Variants in NOS1AP observed in about 807,000 individuals in gnomAD.
The protein encoded by NOS1AP is carboxyl-terminal PDZ ligand of neuronal nitric oxide synthase protein.
Under a neutral mutation model 56.2 loss-of-function variants are expected in NOS1AP, and 21 were observed. The ratio of observed to expected loss-of-function variants is 0.37; its 90% CI spans 0.26 to 0.54. The LOEUF (loss-of-function observed/expected upper bound fraction) is 0.54. Among genes scored for constraint, NOS1AP ranks in the 20% least tolerant of loss-of-function variants. The pLI, the probability that NOS1AP is intolerant of heterozygous loss-of-function variation, is 0.84. For missense variants in NOS1AP, 522 were observed against 657.8 expected (o/e 0.79, Z 2.26); for synonymous variants, 270 against 274.6 (o/e 0.98, Z 0.17).
intron 1 of NOS1AP, among the ~76,000 whole-genome samples, chr1:162,088,718 A>G (rs1052578552): frequency 6.6e-6 from 1 of 152,132 alleles, no homozygotes; most frequent in East Asian, 1.9e-4. Flanking sequence ...CCCCCAAACA[A>G]TGGTGATGAT....
At chr1:162,299,217 A>C (rs181122301) in intron 3 of NOS1AP, among the ~76,000 whole-genome samples, 1 of 152,310 alleles carries the variant, frequency 6.6e-6, no homozygotes, top group Non-Finnish European at 1.5e-5. Context: ...AAACTGCTAT[A>C]AACCAATCTG....
At chr1:162,237,446 G>C (rs1653335510) in intron 2 of NOS1AP, among the ~76,000 whole-genome samples, 1 of 152,140 alleles carries the variant, frequency 6.6e-6, no homozygotes, top group African/African-American at 2.4e-5. Flanking sequence ...GTCACTTTCT[G>C]TCTGTTTCTC....
intron 1 of NOS1AP, among the ~76,000 whole-genome samples, chr1:162,095,125 G>T (rs1692210825): frequency 6.6e-6 from 1 of 152,166 alleles, no homozygotes; most frequent in African/African-American, 2.4e-5. Context: ...TCTTAGTGAG[G>T]ATTGATCAGT....
At chr1:162,274,239 C>G (rs771944449) in intron 2 of NOS1AP, among the ~76,000 whole-genome samples, 39 of 152,140 alleles carry the variant, frequency 2.6e-4, no homozygotes, top group Non-Finnish European at 5.3e-4. Context: ...TGTGCTGGAC[C>G]CTGTTGACTT....
rs1374539725 is a variant in NOS1AP at position 162,365,437 on chromosome 1, G to A, written c.973G>A (p.Ala325Thr). Reference protein sequence around the residue: ...HLLKDQLAAEAAARLEAQARV... With the variant: ...HLLKDQLAAETAARLEAQARV... ...GCTGAAGGACCAGTTGGCTGCTGAGGCTGCGGCGCGGCTGGAGGCCCAGGC... is the reference window on the plus strand; with the variant it reads ...GCTGAAGGACCAGTTGGCTGCTGAGACTGCGGCGCGGCTGGAGGCCCAGGC... Residue 325 changes from alanine to threonine, a missense_variant, in exon 9 of 10, where the codon GCT becomes ACT. Physicochemically the swap from Ala to Thr is moderately conservative, Grantham distance 58. This residue lies in a region of NOS1AP where 52 missense variants were observed against 94.5 expected (regional missense o/e 0.55). Transcript: ENST00000361897. The A allele has an allele frequency of 1.2e-6, 2 of 1,614,058 alleles. No individual in the cohort carries two copies. Among genetic ancestry groups the A allele is most frequent in the Non-Finnish European group, 8.5e-7 (1 of 1,180,036 alleles).
At chr1:162,300,554 T>G (rs1472277868) in intron 3 of NOS1AP, 79 bp from the exon 4 acceptor site, 1 of 1,264,104 alleles carries the variant, frequency 7.9e-7, no homozygotes, top group Non-Finnish European at 1.2e-6. Flanking sequence ...GCAAAATGCA[T>G]GTGTTTGCAT....
intron 2 of NOS1AP, among the ~76,000 whole-genome samples, chr1:162,234,203 C>G (rs970100244): frequency 1.3e-5 from 2 of 152,068 alleles, no homozygotes; most frequent in African/African-American, 4.8e-5. Context: ...GGTATCATTC[C>G]AGTACATGAA....
At chr1:162,103,531 G>T (rs1266058528) in intron 1 of NOS1AP, among the ~76,000 whole-genome samples, 1 of 152,090 alleles carries the variant, frequency 6.6e-6, no homozygotes, top group African/African-American at 2.4e-5. Flanking sequence ...TGACAGTGGG[G>T]TATTGAAGTC....
intron 2 of NOS1AP, among the ~76,000 whole-genome samples, chr1:162,208,066 T>C (rs1479439627): frequency 1.3e-5 from 2 of 152,204 alleles, no homozygotes; most frequent in African/African-American, 2.4e-5. Flanking sequence ...CAGCTGGCTA[T>C]GATGCGGGAG....
chr1:162,159,023 G>A lies in NOS1AP; in HGVS notation c.177+4547G>A, dbSNP rs527806525. Among the ~76,000 whole-genome samples, 87 of 152,306 alleles carry A rather than the reference G, an allele frequency of 5.7e-4. 1 individual carries two copies. Among genetic ancestry groups the A allele is most frequent in the Non-Finnish European group, 1.0e-3 (68 of 68,022 alleles). On this transcript the variant is annotated intron_variant, in intron 2 of 9. Transcript: ENST00000361897. ...TGGGGATTGGTCTGACACTGGCGCC[G>A]CTTGCTTGGAGGTTGCTGGTTGAAG...
intron 2 of NOS1AP, among the ~76,000 whole-genome samples, chr1:162,202,139 G>A (rs1358899339): frequency 1.3e-5 from 2 of 152,168 alleles, no homozygotes; most frequent in Admixed American, 1.3e-4. Context: ...CGAAACTCTA[G>A]GTGGAAGCTT....
At chr1:162,295,957 G>T (rs1445821030) in intron 3 of NOS1AP, among the ~76,000 whole-genome samples, 2 of 150,488 alleles carry the variant, frequency 1.3e-5, no homozygotes, top group Non-Finnish European at 3.0e-5. Flanking sequence ...AAAGTTCTTG[G>T]ACTATCATTC....
chr1:162,290,138 A>G (rs1336916369), intron 3 of NOS1AP, among the ~76,000 whole-genome samples: 4 of 152,114 alleles, frequency 2.6e-5, no homozygotes, highest in Non-Finnish European at 5.9e-5. Flanking sequence ...CGTCCTGGGT[A>G]ATCTCCAGTG....
intron 2 of NOS1AP, among the ~76,000 whole-genome samples, chr1:162,205,582 C>A (rs1303290136): frequency 6.6e-6 from 1 of 152,182 alleles, no homozygotes; most frequent in Non-Finnish European, 1.5e-5. Flanking sequence ...CGTCTTCATG[C>A]CTTTCCATCT....
intron 1 of NOS1AP, among the ~76,000 whole-genome samples, chr1:162,135,185 T>C (rs1648938460): frequency 6.6e-6 from 1 of 152,228 alleles, no homozygotes; most frequent in Non-Finnish European, 1.5e-5. Flanking sequence ...TGTTGAATCA[T>C]ATGTCTCTCT....
At chr1:162,287,713 T>A (rs1193767516) in intron 3 of NOS1AP, among the ~76,000 whole-genome samples, 1 of 150,662 alleles carries the variant, frequency 6.6e-6, no homozygotes, top group Non-Finnish European at 1.5e-5. Flanking sequence ...CCCATTTTCA[T>A]ACCTTTATCT....
chr1:162,229,382 G>C (rs913225098), intron 2 of NOS1AP, among the ~76,000 whole-genome samples: 8 of 152,092 alleles, frequency 5.3e-5, no homozygotes, highest in African/African-American at 1.9e-4. Flanking sequence ...ACTTCTTTTT[G>C]TTTTCTTTAC....
chr1:162,163,220 A>AT (rs1358795794), intron 2 of NOS1AP, among the ~76,000 whole-genome samples: 3 of 151,494 alleles, frequency 2.0e-5, no homozygotes, highest in African/African-American at 4.8e-5. Context: ...GTGTTTGCCA[A>AT]TTTTTTTTTC....
intron 4 of NOS1AP, among the ~76,000 whole-genome samples, chr1:162,309,870 G>A (rs1042880800): frequency 6.6e-6 from 1 of 152,170 alleles, no homozygotes; most frequent in Non-Finnish European, 1.5e-5. Context: ...GTAATTTTAA[G>A]CATTATTATT....
Sources: allele counts gnomAD v4.1 joint callset (sites outside exome capture counted in the v4.1 genomes callset), GRCh38; gene constraint gnomAD v4.1.1; regional missense constraint gnomAD v4.1.1; transcripts MANE v1.5; gene names NCBI Gene and HGNC (gene_info 2026-07-23, HGNC 2026-07-21).